Variants in KLHL1 observed in about 807,000 individuals in gnomAD.
The protein encoded by KLHL1 is kelch like family member 1, also known as kelch-like protein 1.
A neutral mutation model predicts 77.7 loss-of-function variants in KLHL1; 47 were observed. That is an observed-to-expected ratio of 0.60 (90% CI 0.48 to 0.77). The LOEUF (loss-of-function observed/expected upper bound fraction) is 0.77, where lower values mean the gene tolerates loss of function less well. KLHL1 is among the 30% of genes least tolerant of loss of function. KLHL1 has a pLI of 0.00. For synonymous variants in KLHL1, 360 were observed against 325.2 expected (o/e 1.11, Z -1.15); for missense variants, 925 against 910.8 (o/e 1.02, Z -0.20).
Position 70,018,456 on chromosome 13 carries a change from T to A in KLHL1, c.498-42654A>T, listed in dbSNP as rs115077634. On this transcript the variant is annotated intron_variant, in intron 1 of 10. Coordinates refer to ENST00000377844, the MANE Select transcript of KLHL1 (RefSeq NM_020866.3). ...CACACCAAAAGTAATAAGGACCTCATCTAAACAGATGGACAGCTGAAATCT... is the reference window on the plus strand; with the variant it reads ...CACACCAAAAGTAATAAGGACCTCAACTAAACAGATGGACAGCTGAAATCT... Among the ~76,000 whole-genome samples, 544 of 152,290 alleles carry A rather than the reference T, an allele frequency of 3.6e-3. 5 individuals are homozygous for A. The highest frequency in any genetic ancestry group is 0.013 in the African/African-American group (526 of 41,572).
At chr13:70,059,382 C>G (rs1204919899) in intron 1 of KLHL1, among the ~76,000 whole-genome samples, 1 of 152,114 alleles carries the variant, frequency 6.6e-6, no homozygotes, top group Non-Finnish European at 1.5e-5. Context: ...GTTGGCCAGG[C>G]TGGTCTCAAA....
chr13:69,877,308 ATATCT>A (rs1392805274), intron 5 of KLHL1, among the ~76,000 whole-genome samples: 5 of 152,164 alleles, frequency 3.3e-5, no homozygotes, highest in African/African-American at 9.7e-5. Flanking sequence ...CTACAAAGAA[ATATCT>A]TATGAATTCA....
At chr13:69,769,619 C>T (rs1875467769) in intron 7 of KLHL1, among the ~76,000 whole-genome samples, 1 of 152,044 alleles carries the variant, frequency 6.6e-6, no homozygotes, top group Non-Finnish European at 1.5e-5. Flanking sequence ...GAAATGCTGC[C>T]TTTTCCAAGG....
At chr13:69,767,285 T>C (rs892394842) in intron 7 of KLHL1, among the ~76,000 whole-genome samples, 13 of 152,224 alleles carry the variant, frequency 8.5e-5, no homozygotes, top group Non-Finnish European at 1.8e-4. Context: ...ACATAAATTT[T>C]GAGTAACAGA....
At chr13:69,877,498 A>G (rs1327241039) in intron 5 of KLHL1, among the ~76,000 whole-genome samples, 1 of 152,026 alleles carries the variant, frequency 6.6e-6, no homozygotes, top group Non-Finnish European at 1.5e-5. Context: ...ATTCTCTAAA[A>G]GGACAGAAAT....
At chr13:69,957,974 G>A (rs897654644) in intron 3 of KLHL1, among the ~76,000 whole-genome samples, 1 of 151,654 alleles carries the variant, frequency 6.6e-6, no homozygotes, top group Admixed American at 6.6e-5. Flanking sequence ...AACTTATGTT[G>A]TCGTTTATTT....
chr13:70,044,204 T>C (rs1194944275), intron 1 of KLHL1, among the ~76,000 whole-genome samples: 1 of 152,176 alleles, frequency 6.6e-6, no homozygotes, highest in Admixed American at 6.5e-5. Flanking sequence ...GTTTGTATTT[T>C]TAGAACTCTA....
chr13:69,968,907 A>C (rs964367578), intron 2 of KLHL1, among the ~76,000 whole-genome samples: 10 of 152,166 alleles, frequency 6.6e-5, no homozygotes, highest in African/African-American at 2.4e-4. Flanking sequence ...AAAACAATTG[A>C]GGATATGTCA....
At chr13:69,799,567 T>C (rs1877283696) in intron 6 of KLHL1, among the ~76,000 whole-genome samples, 2 of 152,186 alleles carry the variant, frequency 1.3e-5, no homozygotes, top group South Asian at 2.1e-4. Context: ...TCCATCTTCA[T>C]TTTTCAAATT....
intron 7 of KLHL1, among the ~76,000 whole-genome samples, chr13:69,796,283 C>A (rs1877105048): frequency 6.6e-6 from 1 of 152,066 alleles, no homozygotes; most frequent in Non-Finnish European, 1.5e-5. Context: ...GTTTGTCCCC[C>A]CAAAACTCAT....
chr13:70,003,930 A>G (rs1017941690), intron 1 of KLHL1, among the ~76,000 whole-genome samples: 10 of 151,838 alleles, frequency 6.6e-5, no homozygotes, highest in Non-Finnish European at 1.3e-4. Flanking sequence ...AAGAGAATGG[A>G]CAAGAAGAGA....
intron 7 of KLHL1, among the ~76,000 whole-genome samples, chr13:69,790,558 A>AAAT (rs1304897425): frequency 2.6e-5 from 4 of 152,168 alleles, no homozygotes; most frequent in African/African-American, 9.7e-5. Context: ...ACTAACAAAC[A>AAAT]AATAAAGAAA....
chr13:70,038,477 G>C (rs183720299), intron 1 of KLHL1, among the ~76,000 whole-genome samples: 34 of 151,386 alleles, frequency 2.2e-4, no homozygotes, highest in African/African-American at 7.7e-4. Flanking sequence ...TTAAGAAACT[G>C]CCAAATTATT....
intron 8 of KLHL1, among the ~76,000 whole-genome samples, chr13:69,724,447 C>G (rs1873208809): frequency 6.6e-6 from 1 of 151,974 alleles, no homozygotes; most frequent in Admixed American, 6.6e-5. Flanking sequence ...TAATTCTTCT[C>G]AAATTCGTTC....
At chr13:69,879,565 T>C (rs1880905324) in intron 5 of KLHL1, among the ~76,000 whole-genome samples, 1 of 152,166 alleles carries the variant, frequency 6.6e-6, no homozygotes, top group Non-Finnish European at 1.5e-5. Flanking sequence ...CGTTAATGAA[T>C]CCAAGAGCAG....
chr13:69,738,144 C>A (rs1873840545), intron 8 of KLHL1, among the ~76,000 whole-genome samples: 2 of 152,074 alleles, frequency 1.3e-5, no homozygotes, highest in South Asian at 4.1e-4. Flanking sequence ...ACTGCAGCAT[C>A]CCTATGGAAA....
At chr13:69,950,501 A>AATT (rs1411585402) in intron 3 of KLHL1, among the ~76,000 whole-genome samples, 1 of 151,488 alleles carries the variant, frequency 6.6e-6, no homozygotes, top group Non-Finnish European at 1.5e-5. Flanking sequence ...CACTCTCACT[A>AATT]ATTTCCATGG....
intron 1 of KLHL1, among the ~76,000 whole-genome samples, chr13:70,085,570 A>G (rs1887515482): frequency 6.6e-6 from 1 of 152,188 alleles, no homozygotes; most frequent in Non-Finnish European, 1.5e-5. Flanking sequence ...AATATTTTAC[A>G]AACACTGAAT....
Position 69,804,418 on chromosome 13 carries a change from A to G in KLHL1, c.1415-7456T>C, listed in dbSNP as rs367894401. Reference sequence around the variant, plus strand: ...CAAATAGCAACCTCACTTATCTTGCATACAGCACAGAATTCAGTGATAAAA... The same window carrying G: ...CAAATAGCAACCTCACTTATCTTGCGTACAGCACAGAATTCAGTGATAAAA... On this transcript the variant is annotated intron_variant, in intron 6 of 10. Transcript: ENST00000377844. 5.9e-5 allele frequency among the ~76,000 whole-genome samples: 9 copies of G among 152,288 alleles called. No homozygotes were observed. In the East Asian group the frequency reaches 1.7e-3, roughly 29 times the overall value.
Sources: allele counts gnomAD v4.1 joint callset (sites outside exome capture counted in the v4.1 genomes callset), GRCh38; gene constraint gnomAD v4.1.1; transcripts MANE v1.5; gene names NCBI Gene and HGNC (gene_info 2026-07-23, HGNC 2026-07-21).